LUZP2: variants seen among roughly 807,000 people sequenced by gnomAD.
The protein encoded by LUZP2 is leucine zipper protein 2.
Under a neutral mutation model 51.6 loss-of-function variants are expected in LUZP2, and 52 were observed. The ratio of observed to expected loss-of-function variants is 1.01; its 90% CI spans 0.81 to 1.27. The LOEUF is 1.27. LUZP2 is among the 50% of genes most tolerant of loss of function. The pLI, the probability that LUZP2 is intolerant of heterozygous loss-of-function variation, is 0.00. For missense variants in LUZP2, 436 were observed against 395.4 expected, an observed-to-expected ratio of 1.10 and a Z score of -0.87; for synonymous variants, 154 against 137.3, an observed-to-expected ratio of 1.12 and a Z score of -0.85.
intron 1 of LUZP2, among the ~76,000 whole-genome samples, chr11:24,509,790 A>C (rs1476208563): frequency 6.6e-6 from 1 of 151,952 alleles, no homozygotes; most frequent in Non-Finnish European, 1.5e-5. Context: ...CATTAGCTTG[A>C]TTCCAGTAAT....
At chr11:24,723,382 A>G (rs1858351871) in intron 1 of LUZP2, among the ~76,000 whole-genome samples, 1 of 152,236 alleles carries the variant, frequency 6.6e-6, no homozygotes, top group Non-Finnish European at 1.5e-5. Flanking sequence ...TACCCAGCAT[A>G]AACGTGTTTA....
In LUZP2 at chr11:24,647,852, C is replaced by A. The variant is rs572185144; in HGVS notation, c.63-81317C>A. ...ACTATATCTATTTTAATATCACCCT[C>A]TCTCTTTTTGAATACCCTGGTATTC... On this transcript the variant is annotated intron_variant, in intron 1 of 11. Coordinates refer to ENST00000336930, the MANE Select transcript of LUZP2 (RefSeq NM_001009909.4). Among the ~76,000 whole-genome samples, 47 of 152,010 alleles carry A rather than the reference C, an allele frequency of 3.1e-4. 1 individual carries two copies. Among genetic ancestry groups the A allele is most frequent in the African/African-American group, 1.1e-3 (44 of 41,524 alleles).
At chr11:24,635,260 A>T (rs985370411) in intron 1 of LUZP2, among the ~76,000 whole-genome samples, 27 of 152,162 alleles carry the variant, frequency 1.8e-4, no homozygotes, top group African/African-American at 6.3e-4. Flanking sequence ...AAAAAGAAAT[A>T]TGACACTATT....
At chr11:24,594,734 A>G (rs1351089689) in intron 1 of LUZP2, among the ~76,000 whole-genome samples, 5 of 147,036 alleles carry the variant, frequency 3.4e-5, no homozygotes, top group African/African-American at 1.3e-4. Context: ...GGCATTCAAT[A>G]TAGCGGTTTG....
chr11:24,817,046 G>A (rs1850205664), intron 5 of LUZP2, among the ~76,000 whole-genome samples: 1 of 151,986 alleles, frequency 6.6e-6, no homozygotes, highest in South Asian at 2.1e-4. Context: ...AGTAAATGCA[G>A]TGGTTTTGTC....
chr11:24,873,710 T>A (rs1195584376), intron 5 of LUZP2, among the ~76,000 whole-genome samples: 18 of 152,102 alleles, frequency 1.2e-4, no homozygotes, highest in Admixed American at 1.2e-3. Flanking sequence ...TACAAGAAGA[T>A]GAGAAAGAGC....
chr11:24,966,488 T>C (rs1004770334), intron 7 of LUZP2, among the ~76,000 whole-genome samples: 4 of 150,524 alleles, frequency 2.7e-5, no homozygotes, highest in Non-Finnish European at 3.0e-5. Flanking sequence ...GTCACAGTAA[T>C]TTTATTCTAG....
chr11:24,577,345 G>A (rs961888005), intron 1 of LUZP2, among the ~76,000 whole-genome samples: 10 of 152,186 alleles, frequency 6.6e-5, no homozygotes, highest in Middle Eastern at 3.4e-3. Flanking sequence ...GAACAGATAT[G>A]TTAATTTGGG....
chr11:25,043,835 G>C (rs1441883102), intron 9 of LUZP2, among the ~76,000 whole-genome samples: 1 of 146,864 alleles, frequency 6.8e-6, no homozygotes, highest in Admixed American at 6.9e-5. Context: ...ATTGCAGTGT[G>C]CTTTTTGCTT....
intron 7 of LUZP2, among the ~76,000 whole-genome samples, chr11:24,957,328 C>T (rs1855239069): frequency 6.6e-6 from 1 of 152,014 alleles, no homozygotes; most frequent in Non-Finnish European, 1.5e-5. Flanking sequence ...GGTTAGTTGA[C>T]ATGTCAATTT....
intron 5 of LUZP2, among the ~76,000 whole-genome samples, chr11:24,902,490 TAAAG>T (rs1354795760): frequency 6.6e-6 from 1 of 152,140 alleles, no homozygotes; most frequent in Admixed American, 6.6e-5. Flanking sequence ...TAAATATTAT[TAAAG>T]AAAGTTAAAT....
rs1407652823 is a variant in LUZP2, at chr11:25,079,099, C to T, written c.*441C>T. On this transcript the variant is annotated 3_prime_UTR_variant, in exon 12 of 12. Coordinates refer to ENST00000336930, the MANE Select transcript of LUZP2 (RefSeq NM_001009909.4). ...CACATGAGCCAACTGAAGTCATTTT[C>T]CTCAAGGTTGGAATTTGTGCCAACC... 6.5e-6 allele frequency: 1 copy of T among 153,868 alleles called. No individual in the cohort carries two copies. Among genetic ancestry groups the T allele is most frequent in the African/African-American group, 2.4e-5 (1 of 41,446 alleles). The allele number at this position is 153,868 out of a possible 1,614,324, so 9.5% of individuals were successfully genotyped here.
intron 4 of LUZP2, among the ~76,000 whole-genome samples, chr11:24,744,292 ATTC>A (rs761449225): frequency 2.6e-5 from 4 of 152,058 alleles, no homozygotes; most frequent in African/African-American, 9.7e-5. Context: ...ATTGTTACCA[ATTC>A]TTCTTTGAAT....
intron 10 of LUZP2, among the ~76,000 whole-genome samples, chr11:25,059,182 T>C (rs1858766292): frequency 6.6e-6 from 1 of 152,148 alleles, no homozygotes; most frequent in South Asian, 2.1e-4. Flanking sequence ...TAGAGTAAGA[T>C]CATAAGAGAC....
rs542113236 is a variant in LUZP2 at position 24,802,423 on chromosome 11, G to A, written c.396+39115G>A. Reference sequence around the variant, plus strand: ...GACTGTATAGACACATTTATGTTGGGTTTCTACAGTCTGTTTTAACAGATA... The same window carrying A: ...GACTGTATAGACACATTTATGTTGGATTTCTACAGTCTGTTTTAACAGATA... On this transcript the variant is annotated intron_variant, in intron 5 of 11. Transcript: ENST00000336930. 1.1e-4 allele frequency among the ~76,000 whole-genome samples: 16 copies of A among 151,396 alleles called. No homozygotes were observed. In the East Asian group the frequency reaches 2.9e-3, roughly 28 times the overall value.
chr11:24,908,482 C>T (rs893766466), intron 6 of LUZP2, among the ~76,000 whole-genome samples: 3 of 151,952 alleles, frequency 2.0e-5, no homozygotes, highest in Admixed American at 6.6e-5. Flanking sequence ...TTAATTTTGC[C>T]GTGAAATCTT....
chr11:25,016,417 T>C (rs1286525026), intron 9 of LUZP2, among the ~76,000 whole-genome samples: 2 of 152,084 alleles, frequency 1.3e-5, no homozygotes, highest in African/African-American at 4.8e-5. Flanking sequence ...TTATTTTCCA[T>C]TCCTGGGTTA....
intron 5 of LUZP2, among the ~76,000 whole-genome samples, chr11:24,902,408 G>A (rs540717017): frequency 1.3e-5 from 2 of 152,106 alleles, no homozygotes; most frequent in African/African-American, 4.8e-5. Flanking sequence ...GAAATCCGGA[G>A]AAAATAAATC....
intron 5 of LUZP2, among the ~76,000 whole-genome samples, chr11:24,765,613 C>CTTT (rs55867851): frequency 4.1e-4 from 59 of 143,480 alleles, no homozygotes; most frequent in African/African-American, 1.5e-3. Context: ...TAATTTTTTC[C>CTTT]TTTTTTTTCT....
Sources: gnomAD v4.1 joint callset for allele counts (sites outside exome capture counted in the v4.1 genomes callset) on GRCh38, gnomAD v4.1.1 for gene constraint, MANE v1.5 for transcripts, NCBI Gene and HGNC (gene_info 2026-07-23, HGNC 2026-07-21) for gene names.